The following PRDM1 variants were observed in gnomAD, a reference collection of about 807,000 sequenced individuals.
PRDM1 encodes PR/SET domain 1.
Under a neutral mutation model 62.8 loss-of-function variants are expected in PRDM1, and 13 were observed. The ratio of observed to expected loss-of-function variants is 0.21; its 90% confidence interval spans 0.13 to 0.33. The LOEUF (loss-of-function observed/expected upper bound fraction) is 0.33. Among genes scored for constraint, PRDM1 ranks in the 10% least tolerant of loss-of-function variants. The probability of loss-of-function intolerance (pLI) is 1.00; values close to 1 mark genes in which losing one functional copy is unlikely to be tolerated. For missense variants in PRDM1, 895 were observed against 1,058.8 expected (o/e 0.85, Z 2.15); for synonymous variants, 396 against 417.6 (o/e 0.95, Z 0.63).
chr6:106,082,767 G>A (rs922366535), upstream of PRDM1, among the ~76,000 whole-genome samples: 4 of 152,156 alleles, frequency 2.6e-5, no homozygotes, highest in Admixed American at 6.5e-5. Context: ...GAAGGTCACC[G>A]TCCCAATGTT....
chr6:106,041,773 G>T (rs1773001888), intron 1 of PRDM1, among the ~76,000 whole-genome samples: 1 of 150,530 alleles, frequency 6.6e-6, no homozygotes, highest in Non-Finnish European at 1.5e-5. Context: ...TATCAACCTG[G>T]TAACATGGTG....
intron 1 of PRDM1, among the ~76,000 whole-genome samples, chr6:105,995,881 C>G (rs535649975): frequency 6.6e-6 from 1 of 152,132 alleles, no homozygotes; most frequent in Non-Finnish European, 1.5e-5. Flanking sequence ...AATTAAAATA[C>G]GATGCTTTTA....
At chr6:106,028,391 C>T (rs1340988045) in intron 1 of PRDM1, among the ~76,000 whole-genome samples, 2 of 151,994 alleles carry the variant, frequency 1.3e-5, no homozygotes, top group Non-Finnish European at 2.9e-5. Context: ...TTATACATGG[C>T]CTCTCTGAAA....
At chr6:106,074,074 G>A (rs1773563091) in intron 1 of PRDM1, among the ~76,000 whole-genome samples, 2 of 152,148 alleles carry the variant, frequency 1.3e-5, no homozygotes, top group Admixed American at 1.3e-4. Context: ...GATGAAAATT[G>A]CAAAGGAGTA....
At chr6:106,042,614 T>C (rs911085158) in intron 1 of PRDM1, among the ~76,000 whole-genome samples, 1 of 152,140 alleles carries the variant, frequency 6.6e-6, no homozygotes, top group Non-Finnish European at 1.5e-5. Context: ...AACGTTTAAC[T>C]TCTGGTTTTT....
chr6:106,088,499 T>A, intron 2 of PRDM1, 50 bp downstream of exon 2: 2 of 1,610,144 alleles, frequency 1.2e-6, no homozygotes, highest in Non-Finnish European at 8.5e-7. Flanking sequence ...GTGCCAAATC[T>A]CCCTACTTGC....
intron 1 of PRDM1, among the ~76,000 whole-genome samples, chr6:106,009,938 G>C (rs140909749): frequency 2.4e-4 from 37 of 152,124 alleles, no homozygotes; most frequent in Non-Finnish European, 5.9e-5. Context: ...GGCTGGTCTC[G>C]AACTCTTAAC....
intron 1 of PRDM1, among the ~76,000 whole-genome samples, chr6:106,060,803 G>A (rs1239754898): frequency 6.6e-6 from 1 of 152,058 alleles, no homozygotes; most frequent in East Asian, 1.9e-4. Context: ...CTGGGAGTGG[G>A]TGGCTGGGAT....
rs374003975 is a variant in PRDM1 at position 106,064,842 on chromosome 6, G to T, written c.-67+16128G>T. Among the ~76,000 whole-genome samples the T allele has an allele frequency of 5.3e-5, 8 of 152,290 alleles. No homozygotes were observed. In the East Asian group the frequency reaches 9.7e-4, roughly 18 times the overall value. On this transcript the variant is annotated intron_variant, in intron 1 of 6. Transcript: ENST00000651185. ...CTTGAGAGGCTTGCAGATTCTGGAG[G>T]GGTTTTCAGCCCAGCCACTGAATTG...
At chr6:106,059,306 C>G (rs1461885264) in intron 1 of PRDM1, among the ~76,000 whole-genome samples, 2 of 151,948 alleles carry the variant, frequency 1.3e-5, no homozygotes, top group African/African-American at 2.4e-5. Context: ...AAAAAAGACT[C>G]TCTGAGGAGG....
intron 1 of PRDM1, among the ~76,000 whole-genome samples, chr6:106,051,243 T>G (rs144333769): frequency 1.0e-3 from 156 of 152,366 alleles, no homozygotes; most frequent in African/African-American, 3.5e-3. Context: ...TGACATGTAA[T>G]AAGGTTCCTT....
At chr6:106,104,205 G>GTTTTTTTTTTTTTTTTTTT (rs11317538) in intron 4 of PRDM1, among the ~76,000 whole-genome samples, 5 of 141,844 alleles carry the variant, frequency 3.5e-5, no homozygotes, top group Non-Finnish European at 4.6e-5. Flanking sequence ...TAAAATGGAA[G>GTTTTTTTTTTTTTTTTTTT]TTTTTTTTTT....
intron 1 of PRDM1, among the ~76,000 whole-genome samples, chr6:105,995,983 G>T (rs1200628838): frequency 6.6e-6 from 1 of 152,136 alleles, no homozygotes; most frequent in Admixed American, 6.5e-5. Flanking sequence ...CCTTAAGTAG[G>T]ATATGACCCT....
At chr6:106,086,939 A>G (rs765243389) in intron 1 of PRDM1, among the ~76,000 whole-genome samples, 1 of 151,936 alleles carries the variant, frequency 6.6e-6, no homozygotes, top group Non-Finnish European at 1.5e-5. Flanking sequence ...AAAAATAAGC[A>G]GGTTTGCTTA....
At chr6:106,024,809 C>T (rs560474462) in intron 1 of PRDM1, among the ~76,000 whole-genome samples, 30 of 152,192 alleles carry the variant, frequency 2.0e-4, no homozygotes, top group African/African-American at 7.2e-4. Flanking sequence ...AGGAGAGATA[C>T]TGAAATCCCT....
chr6:106,018,188 G>A (rs527387125), intron 1 of PRDM1, among the ~76,000 whole-genome samples: 2 of 152,066 alleles, frequency 1.3e-5, no homozygotes, highest in African/African-American at 4.8e-5. Context: ...AATAAAGCTA[G>A]AATCAAAGAT....
intron 1 of PRDM1, chr6:106,072,089 T>C (rs1272220816): frequency 1.3e-5 from 2 of 152,256 alleles, no homozygotes; most frequent in African/African-American, 2.4e-5. Flanking sequence ...CTACTATCAA[T>C]GTGTTCCATT....
intron 2 of PRDM1, among the ~76,000 whole-genome samples, chr6:106,092,491 G>C (rs1008736801): frequency 3.3e-5 from 5 of 152,222 alleles, no homozygotes; most frequent in African/African-American, 1.2e-4. Flanking sequence ...GTCAGTTCCA[G>C]TGAAGTTTCC....
intron 1 of PRDM1, among the ~76,000 whole-genome samples, chr6:106,018,206 A>G (rs1032115136): frequency 2.3e-4 from 35 of 152,258 alleles, no homozygotes; most frequent in African/African-American, 8.2e-4. Context: ...GATATTTGAT[A>G]TGAAAAAGTA....
Sources: gnomAD v4.1 joint callset for allele counts (sites outside exome capture counted in the v4.1 genomes callset) on GRCh38, gnomAD v4.1.1 for gene constraint, MANE v1.5 for transcripts, NCBI Gene and HGNC (gene_info 2026-07-23, HGNC 2026-07-21) for gene names.